The following TMEM59 variants were observed in gnomAD, a reference collection of about 807,000 sequenced individuals.
TMEM59 encodes the protein transmembrane protein 59.
Under a neutral mutation model 42.2 loss-of-function variants are expected in TMEM59, and 44 were observed. That is an observed-to-expected ratio of 1.04 (90% confidence interval 0.82 to 1.34). The LOEUF is 1.34. Among genes scored for constraint, TMEM59 ranks in the 40% most tolerant of loss-of-function variants. The pLI is 0.00. For missense variants in TMEM59, 359 were observed against 382.8 expected (o/e 0.94, Z 0.52); for synonymous variants, 148 against 145.8 (o/e 1.02, Z -0.11).
At chr1:54,053,351 C>T (rs942101541), upstream of TMEM59, 28 of 770,208 alleles carry the variant, frequency 3.6e-5, no homozygotes, top group Non-Finnish European at 5.3e-5. Flanking sequence ...CGCCTCCTGC[C>T]TCACCTCTGG....
chr1:54,048,837 T>C (rs946894133), intron 1 of TMEM59, among the ~76,000 whole-genome samples: 1 of 152,380 alleles, frequency 6.6e-6, no homozygotes, highest in Non-Finnish European at 1.5e-5. Flanking sequence ...TACTTTATCA[T>C]ACAACTTTGA....
At chr1:54,034,246 A>C (rs1656870211) in intron 7 of TMEM59, 1 of 152,194 alleles carries the variant, frequency 6.6e-6, no homozygotes, top group African/African-American at 2.4e-5. Context: ...CTGGAGGGTG[A>C]GATGGGGGTA....
chr1:54,036,161 G>A (rs1048990439), intron 7 of TMEM59, among the ~76,000 whole-genome samples: 1 of 152,060 alleles, frequency 6.6e-6, no homozygotes, highest in African/African-American at 2.4e-5. Flanking sequence ...GCGCATGCTT[G>A]TAGTCCCAGC....
intron 1 of TMEM59, among the ~76,000 whole-genome samples, chr1:54,050,930 C>A (rs1319466134): frequency 3.3e-5 from 5 of 151,980 alleles, no homozygotes; most frequent in Non-Finnish European, 7.4e-5. Flanking sequence ...GACATTTCGG[C>A]TCACTGCGAC....
intron 1 of TMEM59, among the ~76,000 whole-genome samples, chr1:54,051,904 A>C (rs1657553940): frequency 6.6e-6 from 1 of 152,188 alleles, no homozygotes; most frequent in Non-Finnish European, 1.5e-5. Flanking sequence ...ACAAAATCTG[A>C]GAAGTGCCGG....
Position 54,034,841 on chromosome 1 carries a change from G to A in TMEM59, c.816+1769C>T, listed in dbSNP as rs533665902. On this transcript the variant is annotated intron_variant, in intron 7 of 7. Transcript: ENST00000234831. ...GGATCTGATGGATCTGATATAGCAG[G>A]CCTCCATAAAACTCAGAATTCACAT... 14 of 152,280 alleles carry A rather than the reference G, an allele frequency of 9.2e-5. No homozygotes were observed. The South Asian group carries it at 2.5e-3, about 27-fold the overall frequency. The allele number at this position is 152,280 out of a possible 1,614,324, so 9.4% of individuals were successfully genotyped here. A position where few individuals can be genotyped will look rare whatever the true frequency, so the allele number is the denominator to read the frequency against.
At chr1:54,037,002 T>C (rs1656975365) in intron 6 of TMEM59, among the ~76,000 whole-genome samples, 1 of 152,210 alleles carries the variant, frequency 6.6e-6, no homozygotes. Context: ...CTGCTAAATA[T>C]ATAAGGCAAG....
rs1049555378 is a variant in TMEM59, at chr1:54,029,642, C to T, written c.*2508G>A. Reference sequence around the variant, plus strand: ...TTTCAAGATCGGAAACATTTTTATGCTGTATATATTTTGGGGATTTTTTTT... The same window carrying T: ...TTTCAAGATCGGAAACATTTTTATGTTGTATATATTTTGGGGATTTTTTTT... On this transcript the variant is annotated 3_prime_UTR_variant, in exon 8 of 8. Coordinates refer to ENST00000234831, the MANE Select transcript of TMEM59 (RefSeq NM_004872.5). 2 of 152,002 alleles carry T rather than the reference C, an allele frequency of 1.3e-5. No homozygotes were observed. Among genetic ancestry groups the T allele is most frequent in the African/African-American group, 4.8e-5 (2 of 41,362 alleles). The allele number at this position is 152,002 out of a possible 1,614,324, so 9.4% of individuals were successfully genotyped here. A position where few individuals can be genotyped will look rare whatever the true frequency, so the allele number is the denominator to read the frequency against.
intron 1 of TMEM59, among the ~76,000 whole-genome samples, chr1:54,050,134 T>C (rs931340909): frequency 1.3e-5 from 2 of 152,156 alleles, no homozygotes; most frequent in Non-Finnish European, 2.9e-5. Context: ...TTTTTTTTTT[T>C]TCTTTTTTTG....
At position 54,027,629 on chromosome 1, in the gene TMEM59, CATGGTGGCA is replaced by C; in HGVS notation, c.*4512_*4520del. 1.3e-5 allele frequency: 2 copies of C among 151,988 alleles called. No individual in the cohort carries two copies. The highest frequency in any genetic ancestry group is 2.9e-5 in the Non-Finnish European group (2 of 68,006). 9.4% of individuals were successfully genotyped at this position (151,988 alleles called of 1,614,324 possible). A position where few individuals can be genotyped will look rare whatever the true frequency, so the allele number is the denominator to read the frequency against. ...ACTAGAAATACAAAAATTAGCCAAG[CATGGTGGCA>C]CGCGCCTGTAGTACCAGCTACTTGG... is the stretch of plus-strand genomic sequence containing the variant. On this transcript the variant is annotated 3_prime_UTR_variant, in exon 8 of 8. Transcript: ENST00000234831.
chr1:54,046,023 GC>G (rs1657321478), intron 2 of TMEM59, among the ~76,000 whole-genome samples: 1 of 152,098 alleles, frequency 6.6e-6, no homozygotes, highest in African/African-American at 2.4e-5. Flanking sequence ...CCAGGCTCTG[GC>G]CACATGATGA....
chr1:54,050,848 C>T (rs1657511225), intron 1 of TMEM59, among the ~76,000 whole-genome samples: 2 of 151,918 alleles, frequency 1.3e-5, no homozygotes, highest in African/African-American at 4.8e-5. Flanking sequence ...AGGAGTGAGC[C>T]ACCGCGCCCG....
intron 3 of TMEM59, chr1:54,043,921 T>C (rs74417302): frequency 0.025 from 3,792 of 152,172 alleles, 145 homozygotes; most frequent in African/African-American, 0.084. Context: ...CATGCTATAA[T>C]GAACATCAAT....
Position 54,027,321 on chromosome 1 carries a change from T to G in TMEM59, c.*4829A>C, listed in dbSNP as rs2100283911. On this transcript the variant is annotated 3_prime_UTR_variant, in exon 8 of 8. Coordinates refer to ENST00000234831, the MANE Select transcript of TMEM59 (RefSeq NM_004872.5). ...AAATATCAACTTTATTTTAACATGA[T>G]CAGTTTCCTTTGCGATCCTTTATAT... 1 of 152,340 alleles carries G rather than the reference T, an allele frequency of 6.6e-6. No homozygotes were observed. Among genetic ancestry groups the G allele is most frequent in the African/African-American group, 2.4e-5 (1 of 41,586 alleles). 9.4% of individuals were successfully genotyped at this position (152,340 alleles called of 1,614,324 possible).
At chr1:54,034,949 C>T (rs1446604100) in intron 7 of TMEM59, 1 of 152,060 alleles carries the variant, frequency 6.6e-6, no homozygotes, top group Non-Finnish European at 1.5e-5. Flanking sequence ...AAGCAGCAAC[C>T]AGGAACTGTT....
At chr1:54,038,994 C>T (rs916971149) in intron 6 of TMEM59, among the ~76,000 whole-genome samples, 1 of 152,120 alleles carries the variant, frequency 6.6e-6, no homozygotes, top group Non-Finnish European at 1.5e-5. Context: ...CAGGTGTGTG[C>T]CACCATGTCC....
chr1:54,053,345 TC>T (rs1657649772), upstream of TMEM59: 1 of 810,488 alleles, frequency 1.2e-6, no homozygotes, highest in Non-Finnish European at 1.9e-6. Context: ...AACTGCCGCC[TC>T]CTGCCTCACC....
At position 54,027,963 on chromosome 1, in the gene TMEM59, C is replaced by T. The variant is rs1557669332; in HGVS notation, c.*4187G>A. Reference sequence around the variant, plus strand: ...CCACTGTACTCACCCCCACCCTAGACTCTAGTGTAGAACAAGTAGTCAAGG... The same window carrying T: ...CCACTGTACTCACCCCCACCCTAGATTCTAGTGTAGAACAAGTAGTCAAGG... On this transcript the variant is annotated 3_prime_UTR_variant, in exon 8 of 8. Coordinates refer to ENST00000234831, the MANE Select transcript of TMEM59 (RefSeq NM_004872.5). The T allele has an allele frequency of 6.6e-6, 1 of 152,208 alleles. No homozygotes were observed. The highest frequency in any genetic ancestry group is 1.5e-5 in the Non-Finnish European group (1 of 68,054). The allele number at this position is 152,208 out of a possible 1,614,324, so 9.4% of individuals were successfully genotyped here.
intron 1 of TMEM59, 100 bp from the exon 2 acceptor site, chr1:54,047,472 A>T (rs1169295124): frequency 4.3e-6 from 4 of 925,286 alleles, no homozygotes; most frequent in Non-Finnish European, 6.7e-6. Flanking sequence ...AGTTTATTAC[A>T]AATCGTCCAG....
Sources: allele counts gnomAD v4.1 joint callset (sites outside exome capture counted in the v4.1 genomes callset), GRCh38; gene constraint gnomAD v4.1.1; transcripts MANE v1.5; gene names NCBI Gene and HGNC (gene_info 2026-07-23, HGNC 2026-07-21).